The following GPC6 variants were observed in gnomAD, a reference collection of about 807,000 sequenced individuals.
The protein encoded by GPC6 is glypican 6.
In GPC6, 14 loss-of-function variants were observed where a neutral mutation model predicts 55.2. The ratio of observed to expected loss-of-function variants is 0.25; its 90% CI spans 0.17 to 0.40. GPC6 has a LOEUF of 0.40. Among genes scored for constraint, GPC6 ranks in the 10% least tolerant of loss-of-function variants. GPC6 has a pLI of 1.00. For synonymous variants in GPC6, 278 were observed against 259.6 expected (o/e 1.07, Z -0.68); for missense variants, 641 against 708.5 (o/e 0.90, Z 1.08).
At chr13:94,100,442 A>G (rs900506199) in intron 4 of GPC6, among the ~76,000 whole-genome samples, 1 of 152,224 alleles carries the variant, frequency 6.6e-6, no homozygotes, top group African/African-American at 2.4e-5. Context: ...ATATAAAGAA[A>G]AGGACTGGAA....
At chr13:93,443,466 TG>T (rs1877881298) in intron 1 of GPC6, among the ~76,000 whole-genome samples, 1 of 152,220 alleles carries the variant, frequency 6.6e-6, no homozygotes, top group African/African-American at 2.4e-5. Flanking sequence ...AGCACCTTGG[TG>T]GGGGCTAAGC....
At chr13:93,851,101 C>A (rs1015358711) in intron 3 of GPC6, among the ~76,000 whole-genome samples, 4 of 151,904 alleles carry the variant, frequency 2.6e-5, no homozygotes, top group Non-Finnish European at 4.4e-5. Flanking sequence ...ACACAGCTTA[C>A]TTTTATAATA....
At chr13:93,949,581 T>C (rs1207587730) in intron 3 of GPC6, among the ~76,000 whole-genome samples, 1 of 152,166 alleles carries the variant, frequency 6.6e-6, no homozygotes, top group Non-Finnish European at 1.5e-5. Flanking sequence ...TAATCATTAG[T>C]CACAGGACAT....
chr13:93,322,241 C>T (rs1879470236), intron 1 of GPC6, among the ~76,000 whole-genome samples: 1 of 151,998 alleles, frequency 6.6e-6, no homozygotes, highest in Admixed American at 6.6e-5. Context: ...CAAATTATTT[C>T]ACCCAGGTAT....
intron 1 of GPC6, among the ~76,000 whole-genome samples, chr13:93,424,837 C>G (rs16948775): frequency 0.24 from 36,753 of 151,970 alleles, 4,411 homozygotes; most frequent in Middle Eastern, 0.29. Flanking sequence ...ATATGTTTCC[C>G]GTAGATTATT....
chr13:94,378,007 G>A (rs1191458874), intron 6 of GPC6, among the ~76,000 whole-genome samples: 3 of 152,214 alleles, frequency 2.0e-5, no homozygotes, highest in Middle Eastern at 3.4e-3. Flanking sequence ...GAGAACACAT[G>A]GACAAAGGAA....
At chr13:93,390,191 T>G (rs1875566800) in intron 1 of GPC6, among the ~76,000 whole-genome samples, 1 of 151,314 alleles carries the variant, frequency 6.6e-6, no homozygotes, top group Non-Finnish European at 1.5e-5. Flanking sequence ...TTTTTCTTTT[T>G]CCTTTGACTA....
chr13:93,557,416 G>A (rs979545376), intron 2 of GPC6, among the ~76,000 whole-genome samples: 2 of 152,120 alleles, frequency 1.3e-5, no homozygotes, highest in African/African-American at 4.8e-5. Flanking sequence ...AATAGGTTAA[G>A]GAAGTACTTA....
intron 4 of GPC6, among the ~76,000 whole-genome samples, chr13:94,191,834 T>C (rs1265942646): frequency 6.6e-6 from 1 of 152,124 alleles, no homozygotes; most frequent in Non-Finnish European, 1.5e-5. Flanking sequence ...ATAGAGTGGC[T>C]ATGGAAAACA....
chr13:94,083,402 G>A (rs1166241048), intron 4 of GPC6, among the ~76,000 whole-genome samples: 2 of 152,220 alleles, frequency 1.3e-5, no homozygotes, highest in Non-Finnish European at 2.9e-5. Flanking sequence ...ACAGGCATGA[G>A]CCACTGCACC....
At chr13:93,538,517 C>T (rs1253464070) in intron 1 of GPC6, among the ~76,000 whole-genome samples, 1 of 152,066 alleles carries the variant, frequency 6.6e-6, no homozygotes, top group African/African-American at 2.4e-5. Context: ...GCTCACATGC[C>T]CCAGGCCATG....
At chr13:94,205,942 C>G (rs1222917740) in intron 4 of GPC6, among the ~76,000 whole-genome samples, 1 of 152,132 alleles carries the variant, frequency 6.6e-6, no homozygotes, top group East Asian at 1.9e-4. Context: ...ATTACTGATC[C>G]TCACATTTGT....
intron 2 of GPC6, among the ~76,000 whole-genome samples, chr13:93,551,051 G>T (rs926675537): frequency 6.6e-6 from 1 of 152,104 alleles, no homozygotes; most frequent in Non-Finnish European, 1.5e-5. Flanking sequence ...CATCCAAGAA[G>T]ACTTTTTGGA....
intron 6 of GPC6, among the ~76,000 whole-genome samples, chr13:94,318,457 T>G (rs886430832): frequency 6.6e-6 from 1 of 152,164 alleles, no homozygotes; most frequent in Non-Finnish European, 1.5e-5. Context: ...AATAGGACAG[T>G]TATAACACAC....
At chr13:94,217,264 C>G (rs1890254364) in intron 4 of GPC6, among the ~76,000 whole-genome samples, 1 of 152,158 alleles carries the variant, frequency 6.6e-6, no homozygotes, top group South Asian at 2.1e-4. Flanking sequence ...TTAGTATTAT[C>G]TACACCAACA....
chr13:94,121,505 A>G (rs1355620361), intron 4 of GPC6, among the ~76,000 whole-genome samples: 1 of 152,194 alleles, frequency 6.6e-6, no homozygotes. Flanking sequence ...CTTAGGAAGA[A>G]AAGTTTCATT....
chr13:94,271,382 G>GCACACA lies in GPC6; in HGVS notation c.878-14945_878-14940dup, dbSNP rs60762188. 9.9e-3 allele frequency among the ~76,000 whole-genome samples: 1,259 copies of GCACACA among 126,722 alleles called. 7 individuals carry two copies. The highest frequency in any genetic ancestry group is 0.013 in the African/African-American group (434 of 33,680). The allele number at this position is 126,722 out of a possible 152,430, so 83.1% of individuals were successfully genotyped here. A position where few individuals can be genotyped will look rare whatever the true frequency, so the allele number is the denominator to read the frequency against. On this transcript the variant is annotated intron_variant, in intron 4 of 8. Coordinates refer to ENST00000377047, the MANE Select transcript of GPC6 (RefSeq NM_005708.5). ...CACACACACACGCGCGCGCGCGCGC[G>GCACACA]CACACACACACACACACACACACAC...
chr13:93,921,376 C>T (rs1877560915), intron 3 of GPC6, among the ~76,000 whole-genome samples: 1 of 152,124 alleles, frequency 6.6e-6, no homozygotes, highest in Non-Finnish European at 1.5e-5. Flanking sequence ...CAGCTCAGTG[C>T]CCTCTTGGCA....
chr13:93,323,131 G>T (rs949991368), intron 1 of GPC6, among the ~76,000 whole-genome samples: 2 of 152,038 alleles, frequency 1.3e-5, no homozygotes, highest in African/African-American at 4.8e-5. Flanking sequence ...GGGACCATTG[G>T]TAGGCATATT....
Sources: allele counts gnomAD v4.1 joint callset (sites outside exome capture counted in the v4.1 genomes callset), GRCh38; gene constraint gnomAD v4.1.1; transcripts MANE v1.5; gene names NCBI Gene and HGNC (gene_info 2026-07-23, HGNC 2026-07-21).